Variants in MUC3A observed in about 807,000 individuals in gnomAD.
MUC3A encodes the protein mucin 3A, cell surface associated, also known as mucin-3A.
In MUC3A, 109 loss-of-function variants were observed where a neutral mutation model predicts 109.0. The observed-to-expected ratio is 1.00, with a 90% CI of 0.86 to 1.17. The LOEUF (loss-of-function observed/expected upper bound fraction) is 1.17, where lower values mean the gene tolerates loss of function less well. Among genes scored for constraint, MUC3A ranks in the 50% most tolerant of loss-of-function variants. The probability of loss-of-function intolerance (pLI) is 0.00; values close to 1 mark genes in which losing one functional copy is unlikely to be tolerated. For synonymous variants in MUC3A, 1,398 were observed against 981.4 expected (o/e 1.42, Z -7.93); for missense variants, 3,537 against 2,469.4 (o/e 1.43, Z -9.16).
rs62483698 is a variant in MUC3A, at chr7:100,959,965, G to A, written c.8186G>A (p.Gly2729Asp). ...TENVGSASITGFPSLSSSATT... is the reference protein window; with the variant it reads ...TENVGSASITDFPSLSSSATT... ...AATGTGGGCTCCGCTTCTATCACAG[G>A]CTTTCCTAGTCTCTCTTCCTCTGCA... Residue 2729 changes from glycine (G) to aspartate (D), a missense_variant, in exon 2 of 12, where the codon GGC becomes GAC. Transcript: ENST00000379458. 6.0e-6 allele frequency: 9 copies of A among 1,507,284 alleles called. No individual in the cohort carries two copies. The highest frequency in any genetic ancestry group is 2.3e-5 in the Admixed American group (1 of 44,288). 93.4% of individuals were successfully genotyped at this position (1,507,284 alleles called of 1,614,324 possible). A position where few individuals can be genotyped will look rare whatever the true frequency, so the allele number is the denominator to read the frequency against.
At chr7:100,950,401 T>A (rs931344634) in intron 1 of MUC3A, among the ~76,000 whole-genome samples, 1 of 152,308 alleles carries the variant, frequency 6.6e-6, no homozygotes, top group Non-Finnish European at 1.5e-5. Context: ...TGTACTTCAG[T>A]GTCTGCTTCT....
At position 100,960,214 on chromosome 7, in the gene MUC3A, T is replaced by G. The variant is rs769712956; in HGVS notation, c.8435T>G (p.Met2812Arg). 5 of 1,595,994 alleles carry G rather than the reference T, an allele frequency of 3.1e-6. No individual in the cohort carries two copies. Among genetic ancestry groups the G allele is most frequent in the Middle Eastern group, 3.3e-4 (2 of 6,056 alleles). Residue 2812 changes from methionine to arginine, a missense_variant, in exon 2 of 12, where the codon ATG (methionine) becomes AGG (arginine). Transcript: ENST00000379458. ...PLTVFPFTTE[M>R]VTCPTSISIQ... ...ACAGTCTTTCCCTTTACTACCGAAATGGTCACCTGTCCTACCTCCATCAGT... is the reference window on the plus strand; with the variant it reads ...ACAGTCTTTCCCTTTACTACCGAAAGGGTCACCTGTCCTACCTCCATCAGT...
At chr7:100,951,598 C>T (rs1791943607) in intron 1 of MUC3A, among the ~76,000 whole-genome samples, 1 of 152,210 alleles carries the variant, frequency 6.6e-6, no homozygotes, top group Admixed American at 6.5e-5. Context: ...ATGACAAGGC[C>T]AAGGCCCGGT....
At chr7:100,965,080 T>A in intron 6 of MUC3A, 1 of 1,122,574 alleles carries the variant, frequency 8.9e-7, no homozygotes, top group Non-Finnish European at 1.2e-6. Context: ...CCCGGATGGC[T>A]GAAGACCTCG....
chr7:100,962,811 C>CTT lies in MUC3A; in HGVS notation c.9053-339_9053-338insTT, dbSNP rs1792379283. Among the ~76,000 whole-genome samples, 3 of 126,570 alleles carry CTT rather than the reference C, an allele frequency of 2.4e-5. No individual in the cohort carries two copies. In the East Asian group the frequency reaches 6.8e-4, roughly 29 times the overall value. 83.0% of individuals were successfully genotyped at this position (126,570 alleles called of 152,430 possible). A position where few individuals can be genotyped will look rare whatever the true frequency, so the allele number is the denominator to read the frequency against. On this transcript the variant is annotated intron_variant, in intron 3 of 11. Coordinates refer to ENST00000379458, the MANE Select transcript of MUC3A (RefSeq NM_005960.2). ...TCTTTCTTTCTTTCTCTCTCTCTCT[C>CTT]TCTTTCTTTCTTTCTTTCTTTCTTT...
In MUC3A at chr7:100,959,511, A is replaced by ACAG; in HGVS notation, c.7734_7735insGCA (p.Thr2578_Gln2579insAla). 1 of 1,589,452 alleles carries ACAG rather than the reference A, an allele frequency of 6.3e-7. No individual in the cohort carries two copies. The highest frequency in any genetic ancestry group is 8.5e-7 in the Non-Finnish European group (1 of 1,176,140). The stretch of plus-strand genomic sequence containing the variant: ...TATTGTTGTTATACCTGAAACCCCA[A>ACAG]CACAGACCCCTCCTGTACTGACGTC... On this transcript the variant is annotated inframe_insertion, in exon 2 of 12. Transcript: ENST00000379458.
At position 100,955,918 on chromosome 7, in the gene MUC3A, C is replaced by T; in HGVS notation, c.4139C>T (p.Ala1380Val). The change falls in exon 2 of 12, where the codon GCC becomes GTC. Residue 1380 changes from alanine (A) to valine (V), a missense_variant. Ala to Val is a moderately conservative substitution (Grantham distance 64). Transcript: ENST00000379458. The stretch of plus-strand genomic sequence containing the variant: ...TTTTCTACAGAATCTCTCACAACAG[C>T]CATGACTTCTACTCCCCCCATCACT... ...TDFSTESLTT[A>V]MTSTPPITSS... 1.9e-6 allele frequency: 1 copy of T among 533,330 alleles called. No homozygotes were observed. 33.0% of individuals were successfully genotyped at this position (533,330 alleles called of 1,614,324 possible).
Position 100,966,380 on chromosome 7 carries a change from C to T in MUC3A, c.9612-6C>T. On this transcript the variant is annotated splice_polypyrimidine_tract_variant and splice_region_variant and intron_variant, in intron 8 of 11. Coordinates refer to ENST00000379458, the MANE Select transcript of MUC3A (RefSeq NM_005960.2). Reference sequence around the variant, plus strand: ...GAAGAGGGTCTGACCCTGCGATCTCCCGCAGCTGCTACTCCACCGACACGC... The same window carrying T: ...GAAGAGGGTCTGACCCTGCGATCTCTCGCAGCTGCTACTCCACCGACACGC... 4.5e-6 allele frequency: 6 copies of T among 1,328,864 alleles called. No individual in the cohort carries two copies. The highest frequency in any genetic ancestry group is 5.7e-6 in the Non-Finnish European group (6 of 1,045,248). 82.3% of individuals were successfully genotyped at this position (1,328,864 alleles called of 1,614,324 possible). A position where few individuals can be genotyped will look rare whatever the true frequency, so the allele number is the denominator to read the frequency against.
In MUC3A at chr7:100,964,686, A is replaced by C; in HGVS notation, c.9234-9A>C. On this transcript the variant is annotated splice_polypyrimidine_tract_variant and intron_variant, in intron 5 of 11. Coordinates refer to ENST00000379458, the MANE Select transcript of MUC3A (RefSeq NM_005960.2). ...GCTGGGGCACTCTCTAAGGCTGTGG[A>C]CCCCTCAGGAATGGCAGCATCGTGG... The C allele has an allele frequency of 6.3e-7, 1 of 1,597,496 alleles. No individual in the cohort carries two copies. Among genetic ancestry groups the C allele is most frequent in the African/African-American group, 1.3e-5 (1 of 75,076 alleles).
rs755346651 is a variant in MUC3A, at chr7:100,960,824, G to C, written c.8939G>C (p.Cys2980Ser). The change falls in exon 3 of 12, where the codon TGT (cysteine) becomes TCT (serine). Residue 2980 changes from cysteine (C) to serine (S), a missense_variant. By Grantham distance (112) the Cys-to-Ser change is moderately radical. Transcript: ENST00000379458. The stretch of plus-strand genomic sequence containing the variant: ...CTTCCGGGGTTTTCTGGGGACCGCT[G>C]TCAGCTCCAGACCAGATGCCAGAAT... ...ACLPGFSGDRCQLQTRCQNGG... is the reference protein window; with the variant it reads ...ACLPGFSGDRSQLQTRCQNGG... The C allele has an allele frequency of 6.3e-6, 10 of 1,598,396 alleles. No individual in the cohort carries two copies. The highest frequency in any genetic ancestry group is 5.3e-5 in the African/African-American group (4 of 74,964).
chr7:100,956,189 C>G lies in MUC3A; in HGVS notation c.4410C>G (p.Ser1470Arg), dbSNP rs1792090979. 2.2e-6 allele frequency: 1 copy of G among 445,354 alleles called. No individual in the cohort carries two copies. The highest frequency in any genetic ancestry group is 6.3e-5 in the South Asian group (1 of 15,846). 27.6% of individuals were successfully genotyped at this position (445,354 alleles called of 1,614,324 possible). Residue 1470 changes from serine (S) to arginine (R), a missense_variant, in exon 2 of 12, where the codon AGC becomes AGG. By Grantham distance (110) the Ser-to-Arg change is moderately radical. Transcript: ENST00000379458. ...SETAYPSSPT[S>R]TVTESTTEIT... Reference sequence around the variant, plus strand: ...CCGCCTACCCTAGTTCTCCCACAAGCACTGTCACAGAGTCCACAACTGAAA... The same window carrying G: ...CCGCCTACCCTAGTTCTCCCACAAGGACTGTCACAGAGTCCACAACTGAAA...
At position 100,960,529 on chromosome 7, in the gene MUC3A, C is replaced by G. The variant is rs113201572; in HGVS notation, c.8750C>G (p.Thr2917Ser). Residue 2917 changes from threonine (T) to serine (S), a missense_variant, in exon 2 of 12, where the codon ACT (threonine) becomes AGT (serine). Transcript: ENST00000379458. ...TCAACACACCCCTCCCCACCCACCACTAGGACTTCAGAGACACCAGTGGCC... is the reference window on the plus strand; with the variant it reads ...TCAACACACCCCTCCCCACCCACCAGTAGGACTTCAGAGACACCAGTGGCC... ...SKSTHPSPPT[T>S]RTSETPVATT... 2,967 of 1,598,104 alleles carry G rather than the reference C, an allele frequency of 1.9e-3. No homozygotes were observed. The African/African-American group carries it at 0.03, about 16-fold the overall frequency.
intron 6 of MUC3A, 24 bp downstream of exon 6, chr7:100,964,867 G>T (rs1381095609): frequency 6.3e-7 from 1 of 1,586,790 alleles, no homozygotes; most frequent in Non-Finnish European, 8.5e-7. Flanking sequence ...GGAGGGAGGG[G>T]CCAGGGCCTG....
chr7:100,964,841 A>C lies in MUC3A; in HGVS notation c.9380A>C (p.Gln3127Pro), dbSNP rs1217115189. The change falls in exon 6 of 12, where the codon CAG (glutamine) becomes CCG (proline). Residue 3127 changes from glutamine (Q) to proline (P), a missense_variant and splice_region_variant. Transcript: ENST00000379458. ...SQDVNSCQDS[Q>P]TLCFKPDSIK... ...GATGTGAACAGCTGCCAGGACTCCC[A>C]GAGTGAGCCCAGGCTGGAGGGAGGG... The C allele has an allele frequency of 1.3e-6, 2 of 1,597,294 alleles. No individual in the cohort carries two copies.
rs1792237408 is a variant in MUC3A, at chr7:100,959,446, G to A, written c.7667G>A (p.Arg2556Lys). ...PTMSTVRMTLRITENTPISSF... is the reference protein window; with the variant it reads ...PTMSTVRMTLKITENTPISSF... ...ATGTCCACTGTGAGAATGACCCTCA[G>A]AATTACTGAGAACACCCCAATCAGT... Residue 2556 changes from arginine (R) to lysine (K), a missense_variant, in exon 2 of 12, where the codon AGA (arginine) becomes AAA (lysine). Transcript: ENST00000379458. The A allele has an allele frequency of 1.3e-6, 2 of 1,553,508 alleles. No individual in the cohort carries two copies. Among genetic ancestry groups the A allele is most frequent in the Non-Finnish European group, 1.7e-6 (2 of 1,161,054 alleles).
At chr7:100,962,712 TCTTTC>T (rs1208598830) in intron 3 of MUC3A, among the ~76,000 whole-genome samples, 2 of 150,928 alleles carry the variant, frequency 1.3e-5, no homozygotes, top group Non-Finnish European at 3.0e-5. Context: ...CTCTTTCTTT[TCTTTC>T]CTTTCTTTTC....
At position 100,952,438 on chromosome 7, in the gene MUC3A, C is replaced by T; in HGVS notation, c.659C>T (p.Ser220Leu). Reference protein sequence around the residue: ...ATDTTFHTTISSTTRTTERTP... With the variant: ...ATDTTFHTTILSTTRTTERTP... ...GACACAACCTTCCACACTACAATCT[C>T]GTCTACAACTAGAACCACAGAAAGG... Residue 220 changes from serine (S) to leucine (L), a missense_variant, in exon 2 of 12, where the codon TCG becomes TTG. Transcript: ENST00000379458. 6.3e-7 allele frequency: 1 copy of T among 1,598,622 alleles called. No homozygotes were observed. The highest frequency in any genetic ancestry group is 2.2e-5 in the East Asian group (1 of 44,892).
chr7:100,966,957 G>T lies in MUC3A; in HGVS notation c.9930+6G>T. 3 of 1,598,550 alleles carry T rather than the reference G, an allele frequency of 1.9e-6. No individual in the cohort carries two copies. The highest frequency in any genetic ancestry group is 2.5e-6 in the Non-Finnish European group (3 of 1,179,826). ...ACGTGGACACCACTATGAAGGTGAGGGGCTAAAGAGGGGGACCCCAAGGAA... is the reference window on the plus strand; with the variant it reads ...ACGTGGACACCACTATGAAGGTGAGTGGCTAAAGAGGGGGACCCCAAGGAA... On this transcript the variant is annotated splice_donor_region_variant and intron_variant, in intron 11 of 11. Transcript: ENST00000379458.
In MUC3A at chr7:100,958,969, C is replaced by A. The variant is rs1452516452; in HGVS notation, c.7190C>A (p.Thr2397Asn). The A allele has an allele frequency of 2.2e-5, 35 of 1,566,054 alleles. No individual in the cohort carries two copies. The highest frequency in any genetic ancestry group is 1.6e-4 in the East Asian group (7 of 43,234). The stretch of plus-strand genomic sequence containing the variant: ...ACTCCTGGCCTCACTTCGTGGGTCA[C>A]CACCACCAAGACCACCTCACACATT... ...HSTPGLTSWV[T>N]TTKTTSHITP... Residue 2397 changes from threonine to asparagine, a missense_variant, in exon 2 of 12, where the codon ACC becomes AAC. Transcript: ENST00000379458.
Sources: allele counts gnomAD v4.1 joint callset (sites outside exome capture counted in the v4.1 genomes callset), GRCh38; gene constraint gnomAD v4.1.1; transcripts MANE v1.5; gene names NCBI Gene and HGNC (gene_info 2026-07-23, HGNC 2026-07-21).